The following NKAIN2 variants were observed in gnomAD, a reference collection of about 807,000 sequenced individuals.
NKAIN2 encodes the protein sodium/potassium-transporting ATPase subunit beta-1-interacting protein 2.
A neutral mutation model predicts 32.6 loss-of-function variants in NKAIN2; 14 were observed. That is an observed-to-expected ratio of 0.43 (90% CI 0.28 to 0.67). The LOEUF is 0.67. Ranked by LOEUF, NKAIN2 falls within the 30% of genes least tolerant of loss-of-function variation. The pLI, the probability that NKAIN2 is intolerant of heterozygous loss-of-function variation, is 0.17. For missense variants in NKAIN2, 198 were observed against 258.3 expected, an observed-to-expected ratio of 0.77 and a Z score of 1.60; for synonymous variants, 80 against 87.2, an observed-to-expected ratio of 0.92 and a Z score of 0.46.
At chr6:124,229,010 A>C (rs1582886389) in intron 1 of NKAIN2, among the ~76,000 whole-genome samples, 1 of 152,304 alleles carries the variant, frequency 6.6e-6, no homozygotes, top group Admixed American at 6.5e-5. Flanking sequence ...CTGTTAGTCA[A>C]CTAATAAATA....
chr6:124,468,103 T>C (rs1351697923), intron 3 of NKAIN2, among the ~76,000 whole-genome samples: 1 of 152,162 alleles, frequency 6.6e-6, no homozygotes, highest in Non-Finnish European at 1.5e-5. Context: ...ATTTTGATAC[T>C]TTCATGGAAT....
intron 3 of NKAIN2, among the ~76,000 whole-genome samples, chr6:124,409,240 A>G (rs1774026838): frequency 6.6e-6 from 1 of 152,104 alleles, no homozygotes. Flanking sequence ...GTTGAATAGG[A>G]GTGGCGAGAG....
At chr6:124,707,383 A>G (rs1167836530) in intron 4 of NKAIN2, among the ~76,000 whole-genome samples, 1 of 151,220 alleles carries the variant, frequency 6.6e-6, no homozygotes, top group Non-Finnish European at 1.5e-5. Context: ...GTCAAATGGT[A>G]TTTCCAGTTC....
chr6:124,148,123 TA>T (rs1456186223), intron 1 of NKAIN2, among the ~76,000 whole-genome samples: 3 of 152,200 alleles, frequency 2.0e-5, no homozygotes, highest in Admixed American at 6.5e-5. Flanking sequence ...TTATTTCATT[TA>T]TTTTTTTTAA....
chr6:124,629,736 G>C (rs1463706652), intron 3 of NKAIN2, among the ~76,000 whole-genome samples: 1 of 152,028 alleles, frequency 6.6e-6, no homozygotes, highest in Non-Finnish European at 1.5e-5. Flanking sequence ...GCCCATTTTA[G>C]TCAAAAAGAA....
At chr6:124,383,520 C>CGTAT (rs1490817083) in intron 3 of NKAIN2, among the ~76,000 whole-genome samples, 4 of 152,152 alleles carry the variant, frequency 2.6e-5, no homozygotes, top group Non-Finnish European at 5.9e-5. Flanking sequence ...TGAACCTATA[C>CGTAT]CCCTGACACA....
chr6:124,650,910 G>A (rs1286626719), intron 3 of NKAIN2, among the ~76,000 whole-genome samples: 1 of 152,166 alleles, frequency 6.6e-6, no homozygotes, highest in Non-Finnish European at 1.5e-5. Context: ...AATCAGATAT[G>A]GATGAGACTC....
At chr6:124,561,636 A>T (rs1409303787) in intron 3 of NKAIN2, among the ~76,000 whole-genome samples, 2 of 152,086 alleles carry the variant, frequency 1.3e-5, no homozygotes, top group Non-Finnish European at 2.9e-5. Context: ...TTCATCTATA[A>T]CTGGAAAAAG....
At chr6:124,187,678 T>C (rs998432085) in intron 1 of NKAIN2, among the ~76,000 whole-genome samples, 2 of 152,182 alleles carry the variant, frequency 1.3e-5, no homozygotes, top group African/African-American at 4.8e-5. Flanking sequence ...CTACCGTCCA[T>C]TGCCTGACCC....
intron 1 of NKAIN2, among the ~76,000 whole-genome samples, chr6:124,256,891 T>TGG (rs1217258691): frequency 6.8e-6 from 1 of 146,604 alleles, no homozygotes; most frequent in Non-Finnish European, 1.5e-5. Flanking sequence ...TGTTGTTTTT[T>TGG]TTTTTTTTTT....
intron 3 of NKAIN2, among the ~76,000 whole-genome samples, chr6:124,489,791 C>T (rs947692199): frequency 6.6e-6 from 1 of 151,724 alleles, no homozygotes; most frequent in Non-Finnish European, 1.5e-5. Context: ...GCTGGTGTCA[C>T]CAAACATATT....
intron 1 of NKAIN2, among the ~76,000 whole-genome samples, chr6:124,069,924 C>A (rs1320890610): frequency 6.6e-6 from 1 of 152,154 alleles, no homozygotes; most frequent in East Asian, 1.9e-4. Flanking sequence ...TTGTGCCTGT[C>A]ATTTGTGACG....
intron 1 of NKAIN2, among the ~76,000 whole-genome samples, chr6:124,012,094 C>A (rs551057525): frequency 3.3e-5 from 5 of 152,006 alleles, no homozygotes; most frequent in Admixed American, 6.6e-5. Context: ...TTAAAGTACA[C>A]CATGTTGATA....
intron 1 of NKAIN2, among the ~76,000 whole-genome samples, chr6:124,100,371 C>T (rs61479967): frequency 0.063 from 9,546 of 152,206 alleles, 976 homozygotes; most frequent in African/African-American, 0.21. Flanking sequence ...GAAGAGTATA[C>T]ACAGATATGA....
chr6:123,861,549 T>G (rs1247526917), intron 1 of NKAIN2, among the ~76,000 whole-genome samples: 3 of 152,292 alleles, frequency 2.0e-5, no homozygotes, highest in East Asian at 3.9e-4. Flanking sequence ...AACAGTAACC[T>G]GAAAGTCATA....
chr6:124,056,523 T>A (rs2114845318), intron 1 of NKAIN2, among the ~76,000 whole-genome samples: 1 of 152,086 alleles, frequency 6.6e-6, no homozygotes, highest in African/African-American at 2.4e-5. Flanking sequence ...TATTCCACTC[T>A]TTGCAGTGCA....
chr6:123,884,964 T>G (rs1416739763), intron 1 of NKAIN2, among the ~76,000 whole-genome samples: 2 of 152,180 alleles, frequency 1.3e-5, no homozygotes, highest in Non-Finnish European at 2.9e-5. Flanking sequence ...ATATGCCTAT[T>G]AGAGTTCTCA....
chr6:124,428,054 A>G (rs979245049), intron 3 of NKAIN2, among the ~76,000 whole-genome samples: 1 of 152,088 alleles, frequency 6.6e-6, no homozygotes, highest in African/African-American at 2.4e-5. Context: ...GTTCTATGTC[A>G]CTATAGTGCT....
chr6:124,604,612 AT>A (rs1274177682), intron 3 of NKAIN2, among the ~76,000 whole-genome samples: 1 of 151,566 alleles, frequency 6.6e-6, no homozygotes, highest in Non-Finnish European at 1.5e-5. Flanking sequence ...TAAAAAATGT[AT>A]TTTTAATAAA....
Sources: gnomAD v4.1 joint callset for allele counts (sites outside exome capture counted in the v4.1 genomes callset) on GRCh38, gnomAD v4.1.1 for gene constraint, MANE v1.5 for transcripts, NCBI Gene and HGNC (gene_info 2026-07-23, HGNC 2026-07-21) for gene names.